The following TEAD2 variants were observed in gnomAD, a reference collection of about 807,000 sequenced individuals.
TEAD2 encodes the protein transcriptional enhancer factor TEF-4.
A neutral mutation model predicts 61.4 loss-of-function variants in TEAD2; 51 were observed. The observed-to-expected ratio is 0.83, with a 90% CI of 0.66 to 1.05. The LOEUF (loss-of-function observed/expected upper bound fraction) is 1.05. Ranked by LOEUF, TEAD2 falls within the 50% of genes least tolerant of loss-of-function variation. TEAD2 has a pLI of 0.00. For missense variants in TEAD2, 509 were observed against 600.0 expected, an observed-to-expected ratio of 0.85 and a Z score of 1.58; for synonymous variants, 244 against 243.2, an observed-to-expected ratio of 1.00 and a Z score of -0.03.
chr19:49,355,715 T>G (rs1467380460), intron 5 of TEAD2, among the ~76,000 whole-genome samples: 2 of 152,052 alleles, frequency 1.3e-5, no homozygotes, highest in African/African-American at 4.8e-5. Flanking sequence ...TAATCCCAGC[T>G]ACTAGGGAAG....
At chr19:49,362,046 C>CA (rs1972986408) in intron 1 of TEAD2, 1 of 152,782 alleles carries the variant, frequency 6.5e-6, no homozygotes, top group African/African-American at 2.4e-5. Flanking sequence ...AAATGCCCCC[C>CA]AGATTACACA....
Position 49,348,807 on chromosome 19 carries a change from G to C in TEAD2, c.643C>G (p.Pro215Ala). The change falls in exon 9 of 13, where the codon CCT becomes GCT. Residue 215 changes from proline to alanine, a missense_variant. Transcript: ENST00000593945. The part of the protein sequence containing the change: ...PPQALSPLPP[P>A]TPSPPAWQAR... ...TGCCAGGCTGGGGGCGATGGGGTAG[G>C]TGGGGGCAGGGGTGAGAGGGCTTGG... 1 of 1,606,856 alleles carries C rather than the reference G, an allele frequency of 6.2e-7. No homozygotes were observed. Among genetic ancestry groups the C allele is most frequent in the Non-Finnish European group, 8.5e-7 (1 of 1,177,116 alleles).
rs769461183 is a variant in TEAD2 at position 49,343,281 on chromosome 19, A to T, written c.1039T>A (p.Cys347Ser). The change falls in exon 11 of 13, where the codon TGT becomes AGT. Residue 347 changes from cysteine to serine, a missense_variant. Physicochemically the swap from Cys to Ser is moderately radical, Grantham distance 112 (BLOSUM62 -1). Transcript: ENST00000593945. ...YESLEHMTLT[C>S]SSKVCSFGKQ... The stretch of plus-strand genomic sequence containing the variant: ...CCAAAAGAGCAGACCTTGGAGGAAC[A>T]GGTGAGGGTCATGTGTTCCAGGCTC... 6.2e-7 allele frequency: 1 copy of T among 1,613,852 alleles called. No homozygotes were observed.
Position 49,359,821 on chromosome 19 carries a change from G to A in TEAD2, c.232+23C>T, listed in dbSNP as rs576555483. Reference sequence around the variant, plus strand: ...TCATTATTCATCAGTGGGGGCCAGGGCAAAAGACAGAAGTAGACTCACCAT... The same window carrying A: ...TCATTATTCATCAGTGGGGGCCAGGACAAAAGACAGAAGTAGACTCACCAT... On this transcript the variant is annotated intron_variant, in intron 2 of 12. Transcript: ENST00000593945. This position sits in a 1 kb window ranked among gnomAD's most constrained non-coding sequence, Gnocchi z 4.1. 3.7e-6 allele frequency: 6 copies of A among 1,608,054 alleles called. No individual in the cohort carries two copies. The South Asian group carries it at 5.5e-5, about 15-fold the overall frequency.
intron 8 of TEAD2, among the ~76,000 whole-genome samples, chr19:49,350,294 T>C (rs1267888938): frequency 6.6e-6 from 1 of 152,096 alleles, no homozygotes; most frequent in Non-Finnish European, 1.5e-5. Context: ...AATAAATCAA[T>C]ACATTTTTCT....
rs1600719057 is a variant in TEAD2 at position 49,347,053 on chromosome 19, A to G, written c.921+137T>C. On this transcript the variant is annotated intron_variant, in intron 10 of 12. Coordinates refer to ENST00000593945, the MANE Select transcript of TEAD2 (RefSeq NM_001256660.2). ...GTTCCTTGTTGCAAAGGGGGCTGAC[A>G]CTCCAAGCCATGAGGACTGACTGGT... The G allele has an allele frequency of 4.9e-6, 6 of 1,218,026 alleles. No homozygotes were observed. In the East Asian group the frequency reaches 1.2e-4, roughly 24 times the overall value. 75.5% of individuals were successfully genotyped at this position (1,218,026 alleles called of 1,614,324 possible). A position where few individuals can be genotyped will look rare whatever the true frequency, so the allele number is the denominator to read the frequency against.
rs1052878203 is a variant in TEAD2, at chr19:49,351,321, G to A, written c.584C>T (p.Pro195Leu). 2.5e-6 allele frequency: 4 copies of A among 1,612,370 alleles called. No individual in the cohort carries two copies. The Admixed American group carries it at 5.0e-5, about 20-fold the overall frequency. Residue 195 changes from proline to leucine, a missense_variant, in exon 8 of 13, where the codon CCC becomes CTC. By Grantham distance (98) the Pro-to-Leu change is moderately conservative. Transcript: ENST00000593945. ...CTTACCTGGGAGGTCAGTAGATGGG[G>A]GAGTCAGTGACAAGGTGAACGGTGT... Reference protein sequence around the residue: ...SQTPFTLSLTPPSTDLPGYEP... With the variant: ...SQTPFTLSLTLPSTDLPGYEP...
rs1331753468 is a variant in TEAD2, at chr19:49,355,299, C to T, written c.480+13G>A. 6.2e-7 allele frequency: 1 copy of T among 1,614,092 alleles called. No homozygotes were observed. The highest frequency in any genetic ancestry group is 2.2e-5 in the East Asian group (1 of 44,880). ...CTTTGCCCCCACGTCCCACAATCCCCAACCTGGACCACCTGAGGACCAGTG... is the reference window on the plus strand; with the variant it reads ...CTTTGCCCCCACGTCCCACAATCCCTAACCTGGACCACCTGAGGACCAGTG... On this transcript the variant is annotated intron_variant, in intron 6 of 12. Coordinates refer to ENST00000593945, the MANE Select transcript of TEAD2 (RefSeq NM_001256660.2).
chr19:49,358,524 C>T lies in TEAD2; in HGVS notation c.297+911G>A, dbSNP rs568946943. The stretch of plus-strand genomic sequence containing the variant: ...CCAGGCCTGCTCCCACTACCCCCTC[C>T]GCCATGATTGGAGGCTTCCTGAGGC... On this transcript the variant is annotated intron_variant, in intron 3 of 12. Coordinates refer to ENST00000593945, the MANE Select transcript of TEAD2 (RefSeq NM_001256660.2). Among the ~76,000 whole-genome samples, 315 of 152,326 alleles carry T rather than the reference C, an allele frequency of 2.1e-3. 1 individual carries two copies. The highest frequency in any genetic ancestry group is 7.1e-3 in the African/African-American group (296 of 41,562).
At chr19:49,343,612 G>A (rs1019680790) in intron 10 of TEAD2, among the ~76,000 whole-genome samples, 2 of 152,048 alleles carry the variant, frequency 1.3e-5, no homozygotes, top group African/African-American at 2.4e-5. Context: ...GGTGGTGCAT[G>A]CTTGTAATCC....
intron 8 of TEAD2, 63 bp from the exon 9 acceptor site, chr19:49,348,908 T>C (rs1312829631): frequency 4.9e-6 from 7 of 1,433,430 alleles, no homozygotes; most frequent in Admixed American, 6.3e-5. Context: ...TCAGGTACTG[T>C]TGTCTCTTGC....
At position 49,342,425 on chromosome 19, in the gene TEAD2, C is replaced by A; in HGVS notation, c.1242+13G>T. On this transcript the variant is annotated intron_variant, in intron 12 of 12. Coordinates refer to ENST00000593945, the MANE Select transcript of TEAD2 (RefSeq NM_001256660.2). ...ACTGGGGGGCCCCACTCCAGCCCAG[C>A]CCCAGGCATCACCTGGAGGATGGTG... 1 of 1,611,542 alleles carries A rather than the reference C, an allele frequency of 6.2e-7. No homozygotes were observed. The highest frequency in any genetic ancestry group is 1.1e-5 in the South Asian group (1 of 90,980).
intron 10 of TEAD2, among the ~76,000 whole-genome samples, chr19:49,344,629 T>C (rs1275230939): frequency 6.6e-6 from 1 of 152,156 alleles, no homozygotes; most frequent in Non-Finnish European, 1.5e-5. Context: ...TTCAGCCCCT[T>C]CCAAGGGCCT....
chr19:49,348,395 G>T (rs967267700), intron 9 of TEAD2, among the ~76,000 whole-genome samples: 2 of 152,176 alleles, frequency 1.3e-5, no homozygotes, highest in Admixed American at 1.3e-4. Context: ...ATGAATGAAT[G>T]ATGTCCTGGG....
chr19:49,341,194 T>C lies in TEAD2; in HGVS notation c.*130A>G, dbSNP rs1175229201. ...CCTCTAATGGGGGGGATGGCCCCAG[T>C]TGCTTAGGCCTCTGAGGTCAACCCC... On this transcript the variant is annotated 3_prime_UTR_variant, in exon 13 of 13. Transcript: ENST00000593945. The surrounding 1 kb of genome is among the most constrained non-coding windows in gnomAD (Gnocchi z 4.2). The C allele has an allele frequency of 2.6e-6, 2 of 777,146 alleles. No individual in the cohort carries two copies. Among genetic ancestry groups the C allele is most frequent in the African/African-American group, 1.7e-5 (1 of 57,680 alleles). The allele number at this position is 777,146 out of a possible 1,614,324, so 48.1% of individuals were successfully genotyped here.
At chr19:49,360,373 C>G (rs1972760397) in intron 1 of TEAD2, 3 of 431,090 alleles carry the variant, frequency 7.0e-6, no homozygotes, top group Non-Finnish European at 8.3e-6. Flanking sequence ...GGGCTGGAGG[C>G]CTGGACTCCT....
chr19:49,359,345 T>A lies in TEAD2; in HGVS notation c.297+90A>T. 1 of 1,201,068 alleles carries A rather than the reference T, an allele frequency of 8.3e-7. No individual in the cohort carries two copies. Among genetic ancestry groups the A allele is most frequent in the South Asian group, 1.2e-5 (1 of 80,628 alleles). The allele number at this position is 1,201,068 out of a possible 1,614,324, so 74.4% of individuals were successfully genotyped here. ...GACAGATGAACGCACAGGAAGCAGC[T>A]TCTTCCTTGAACCTGAACCTGCCCA... On this transcript the variant is annotated intron_variant, in intron 3 of 12. Coordinates refer to ENST00000593945, the MANE Select transcript of TEAD2 (RefSeq NM_001256660.2). This position sits in a 1 kb window ranked among gnomAD's most constrained non-coding sequence, Gnocchi z 4.1.
chr19:49,352,273 T>C (rs1384091664), intron 7 of TEAD2, among the ~76,000 whole-genome samples: 1 of 152,216 alleles, frequency 6.6e-6, no homozygotes, highest in African/African-American at 2.4e-5. Context: ...ACGTGGCCAC[T>C]GAGCACAAGT....
At chr19:49,347,051 A>T (rs1971692286) in intron 10 of TEAD2, 139 bp downstream of exon 10, 1 of 1,201,480 alleles carries the variant, frequency 8.3e-7, no homozygotes, top group Admixed American at 2.2e-5. Flanking sequence ...AAGGGGGCTG[A>T]CACTCCAAGC....
Sources: allele counts gnomAD v4.1 joint callset (sites outside exome capture counted in the v4.1 genomes callset), GRCh38; gene constraint gnomAD v4.1.1; non-coding constraint Gnocchi (gnomAD v3.1); transcripts MANE v1.5; gene names NCBI Gene and HGNC (gene_info 2026-07-23, HGNC 2026-07-21).